The following ABI2 variants were observed in gnomAD, a reference collection of about 807,000 sequenced individuals.
ABI2 encodes the protein abl interactor 2.
In ABI2, 25 loss-of-function variants were observed where a neutral mutation model predicts 59.2. That is an observed-to-expected ratio of 0.42 (90% confidence interval 0.31 to 0.59). The LOEUF (loss-of-function observed/expected upper bound fraction) is 0.59, where lower values mean the gene tolerates loss of function less well. Among genes scored for constraint, ABI2 ranks in the 20% least tolerant of loss-of-function variants. ABI2 has a pLI of 0.14. For missense variants in ABI2, 545 were observed against 681.8 expected (o/e 0.80, Z 2.23); for synonymous variants, 213 against 235.5 (o/e 0.90, Z 0.87).
intron 4 of ABI2, among the ~76,000 whole-genome samples, chr2:203,385,884 T>G (rs547884508): frequency 2.6e-5 from 4 of 152,238 alleles, no homozygotes; most frequent in African/African-American, 4.8e-5. Context: ...CTCTTTCCTC[T>G]TACTCCTAAT....
chr2:203,386,840 T>A (rs1286261329), intron 4 of ABI2, among the ~76,000 whole-genome samples: 1 of 152,084 alleles, frequency 6.6e-6, no homozygotes, highest in Admixed American at 6.5e-5. Flanking sequence ...GGTTTTGCCA[T>A]GTTGGCCAGG....
intron 4 of ABI2, among the ~76,000 whole-genome samples, chr2:203,388,993 T>G (rs1467821673): frequency 6.6e-6 from 1 of 152,142 alleles, no homozygotes; most frequent in South Asian, 2.1e-4. Flanking sequence ...TAAAGTAACT[T>G]TGGGTTTTAT....
chr2:203,367,142 C>G (rs1224036155), intron 2 of ABI2, 98 bp downstream of exon 2: 1 of 1,362,980 alleles, frequency 7.3e-7, no homozygotes, highest in East Asian at 2.7e-5. Context: ...TAAGTTAACT[C>G]ACATGTACGA....
At chr2:203,329,337 T>A (rs2071158111) in intron 1 of ABI2, 1 of 131,256 alleles carries the variant, frequency 7.6e-6, no homozygotes, top group African/African-American at 2.8e-5. Context: ...AACCTCCTGG[T>A]TTAATTTTTT....
At chr2:203,349,167 C>G (rs1032209029) in intron 1 of ABI2, among the ~76,000 whole-genome samples, 2 of 151,718 alleles carry the variant, frequency 1.3e-5, no homozygotes, top group African/African-American at 4.8e-5. Flanking sequence ...GTCTCCAACT[C>G]CTGAACTCAA....
chr2:203,338,165 T>C (rs2077323690), intron 1 of ABI2, among the ~76,000 whole-genome samples: 1 of 152,210 alleles, frequency 6.6e-6, no homozygotes, highest in Non-Finnish European at 1.5e-5. Context: ...AGGTACACAA[T>C]GGGGAAAGGA....
Position 203,427,177 on chromosome 2 carries a change from T to C in ABI2, c.1454T>C (p.Val485Ala). 1 of 1,613,284 alleles carries C rather than the reference T, an allele frequency of 6.2e-7. No homozygotes were observed. The highest frequency in any genetic ancestry group is 8.5e-7 in the Non-Finnish European group (1 of 1,179,506). ...CCTGTTTTGTTTTCTTCCCTCCTAGTTGTGGCAATTTATGACTATACAAAA... is the reference window on the plus strand; with the variant it reads ...CCTGTTTTGTTTTCTTCCCTCCTAGCTGTGGCAATTTATGACTATACAAAA... ...PWAPRSYLEK[V>A]VAIYDYTKDK... Residue 485 changes from valine (V) to alanine (A), a missense_variant and splice_region_variant, in exon 12 of 12, where the codon GTT (valine) becomes GCT (alanine). Around this residue, in one of 4 missense-constraint regions of ABI2, gnomAD observed 44 missense variants for 106.4 expected, o/e 0.41. Transcript: ENST00000261018.
intron 3 of ABI2, 77 bp from the exon 4 acceptor site, chr2:203,382,112 T>A (rs1343128412): frequency 7.9e-7 from 1 of 1,264,684 alleles, no homozygotes; most frequent in African/African-American, 1.5e-5. Flanking sequence ...TCCTTTCTCT[T>A]CACATCCTGA....
chr2:203,416,444 C>T (rs886268765), intron 10 of ABI2, among the ~76,000 whole-genome samples: 1 of 152,010 alleles, frequency 6.6e-6, no homozygotes, highest in Non-Finnish European at 1.5e-5. Flanking sequence ...TACGGGCGCC[C>T]ACGACCATGT....
At chr2:203,360,270 T>TA (rs1321471977) in intron 1 of ABI2, among the ~76,000 whole-genome samples, 1 of 151,936 alleles carries the variant, frequency 6.6e-6, no homozygotes, top group East Asian at 1.9e-4. Context: ...TTTTAGGATT[T>TA]AAAAAAACAC....
At chr2:203,354,343 C>A (rs1559197595) in intron 1 of ABI2, among the ~76,000 whole-genome samples, 1 of 152,168 alleles carries the variant, frequency 6.6e-6, no homozygotes, top group Non-Finnish European at 1.5e-5. Flanking sequence ...TGCACCCAGC[C>A]AATTAGACTT....
intron 1 of ABI2, among the ~76,000 whole-genome samples, chr2:203,340,761 C>G (rs527784071): frequency 6.6e-5 from 10 of 152,016 alleles, no homozygotes; most frequent in African/African-American, 2.2e-4. Context: ...ATGTGTGTAT[C>G]ATGTCATCAT....
At chr2:203,392,308 C>A (rs1277332549) in intron 5 of ABI2, among the ~76,000 whole-genome samples, 4 of 106,478 alleles carry the variant, frequency 3.8e-5, no homozygotes, top group Admixed American at 9.8e-5. Flanking sequence ...ACCACCACCA[C>A]CACCACCAAC....
At chr2:203,354,717 C>G (rs1481132663) in intron 1 of ABI2, among the ~76,000 whole-genome samples, 1 of 152,134 alleles carries the variant, frequency 6.6e-6, no homozygotes, top group Non-Finnish European at 1.5e-5. Context: ...AGAAGAGGCC[C>G]AGGTGATACT....
intron 11 of ABI2, among the ~76,000 whole-genome samples, chr2:203,421,092 AT>A (rs1156735032): frequency 6.6e-6 from 1 of 152,148 alleles, no homozygotes; most frequent in Non-Finnish European, 1.5e-5. Flanking sequence ...GTAGAGGGAA[AT>A]TATGGAGGAT....
chr2:203,335,638 G>A (rs1357093109), intron 1 of ABI2, among the ~76,000 whole-genome samples: 19 of 152,098 alleles, frequency 1.2e-4, no homozygotes, highest in Non-Finnish European at 4.4e-5. Context: ...ATTTTTTGGT[G>A]ACATTTATGT....
intron 2 of ABI2, among the ~76,000 whole-genome samples, chr2:203,370,623 T>A (rs2095078134): frequency 6.6e-6 from 1 of 152,182 alleles, no homozygotes; most frequent in Non-Finnish European, 1.5e-5. Flanking sequence ...GTGTTAAATT[T>A]TATTATGATG....
chr2:203,399,063 GGGAATAGAATTGCTGGGTTA>G (rs1277483204), intron 8 of ABI2, among the ~76,000 whole-genome samples: 1 of 152,104 alleles, frequency 6.6e-6, no homozygotes, highest in African/African-American at 2.4e-5. Flanking sequence ...TAAATACCTA[GGGAATAGAATTGCTGGGTTA>G]TATTGTAAGT....
intron 10 of ABI2, among the ~76,000 whole-genome samples, chr2:203,413,834 C>G (rs564888598): frequency 2.6e-5 from 4 of 152,272 alleles, no homozygotes; most frequent in Admixed American, 2.6e-4. Context: ...AGCAAATACT[C>G]ACTCTGCATT....
Sources: gnomAD v4.1 joint callset for allele counts (sites outside exome capture counted in the v4.1 genomes callset) on GRCh38, gnomAD v4.1.1 for gene constraint, gnomAD v4.1.1 regional missense constraint, MANE v1.5 for transcripts, NCBI Gene and HGNC (gene_info 2026-07-23, HGNC 2026-07-21) for gene names.